DNAAF10: variants seen among roughly 807,000 people sequenced by gnomAD.
The protein encoded by DNAAF10 is dynein axonemal assembly factor 10, also known as WD repeat domain 92.
A neutral mutation model predicts 43.7 loss-of-function variants in DNAAF10; 28 were observed. The observed-to-expected ratio is 0.64, with a 90% confidence interval of 0.48 to 0.88. The LOEUF is 0.88. DNAAF10 is among the 40% of genes least tolerant of loss of function. DNAAF10 has a pLI of 0.00. For missense variants in DNAAF10, 403 were observed against 439.1 expected, an observed-to-expected ratio of 0.92 and a Z score of 0.73; for synonymous variants, 156 against 157.3, an observed-to-expected ratio of 0.99 and a Z score of 0.06.
chr2:68,157,373 C>G lies in DNAAF10; in HGVS notation c.71G>C (p.Cys24Ser), dbSNP rs773607630. 2.5e-6 allele frequency: 4 copies of G among 1,614,086 alleles called. No homozygotes were observed. The highest frequency in any genetic ancestry group is 1.3e-5 in the African/African-American group (1 of 74,924). ...QKGFNYTVFD[C>S]KWVPCSAKFV... ...TTTGGCGCTGCAGGGCACCCACTTA[C>G]AGTCAAACACCGTGTAGTTGAAGCC... Residue 24 changes from cysteine to serine, a missense_variant, in exon 1 of 8, where the codon TGT becomes TCT. By Grantham distance (112) the Cys-to-Ser change is moderately radical. Coordinates refer to ENST00000295121, the MANE Select transcript of DNAAF10 (RefSeq NM_138458.4).
intron 5 of DNAAF10, among the ~76,000 whole-genome samples, chr2:68,138,096 A>T (rs1022132204): frequency 6.6e-6 from 1 of 151,422 alleles, no homozygotes; most frequent in African/African-American, 2.4e-5. Context: ...AATGGCATGA[A>T]CCTGGGAGGC....
intron 1 of DNAAF10, among the ~76,000 whole-genome samples, chr2:68,154,926 C>A (rs369885688): frequency 3.9e-4 from 60 of 152,118 alleles, no homozygotes; most frequent in African/African-American, 1.4e-3. Context: ...CTATGCCCAG[C>A]TAATTTTTGT....
intron 7 of DNAAF10, 61 bp from the exon 8 acceptor site, chr2:68,131,506 A>T: frequency 6.6e-7 from 1 of 1,517,988 alleles, no homozygotes; most frequent in Non-Finnish European, 9.1e-7. Flanking sequence ...TTTTATTTTT[A>T]TACATACACT....
intron 3 of DNAAF10, 85 bp from the exon 4 acceptor site, chr2:68,141,880 T>C: frequency 1.8e-6 from 2 of 1,095,002 alleles, no homozygotes; most frequent in Non-Finnish European, 2.8e-6. Context: ...TGGCTTCCTG[T>C]GTACATGGCA....
intron 1 of DNAAF10, among the ~76,000 whole-genome samples, chr2:68,151,736 C>G (rs75508608): frequency 0.048 from 7,266 of 152,238 alleles, 554 homozygotes; most frequent in African/African-American, 0.16. Flanking sequence ...AGGGTTCTGA[C>G]AAACTGTTCA....
intron 7 of DNAAF10, among the ~76,000 whole-genome samples, chr2:68,133,790 C>T (rs771432976): frequency 1.3e-5 from 2 of 152,062 alleles, no homozygotes; most frequent in Non-Finnish European, 2.9e-5. Context: ...TTTTTGTCAG[C>T]GGTATCCCTG....
Position 68,131,450 on chromosome 2 carries a change from A to C in DNAAF10, c.867-5T>G. 1.2e-6 allele frequency: 2 copies of C among 1,613,390 alleles called. No individual in the cohort carries two copies. The highest frequency in any genetic ancestry group is 1.7e-6 in the Non-Finnish European group (2 of 1,179,326). ...GACCGCTGAATAGGGTATTCACTGA[A>C]AACAAGATCAAAATGGTAAGAGCGC... On this transcript the variant is annotated splice_polypyrimidine_tract_variant and splice_region_variant and intron_variant, in intron 7 of 7. Transcript: ENST00000295121.
At chr2:68,156,634 G>C (rs1393463968) in intron 1 of DNAAF10, among the ~76,000 whole-genome samples, 1 of 152,156 alleles carries the variant, frequency 6.6e-6, no homozygotes, top group African/African-American at 2.4e-5. Flanking sequence ...TCTGGTTCCT[G>C]CTTATCCCTC....
chr2:68,143,257 C>T (rs992632062), intron 3 of DNAAF10, among the ~76,000 whole-genome samples: 1 of 152,052 alleles, frequency 6.6e-6, no homozygotes, highest in African/African-American at 2.4e-5. Context: ...GATCTCAGCC[C>T]ACTTCAACCT....
chr2:68,157,330 G>A lies in DNAAF10; in HGVS notation c.114C>T (p.Asn38=), dbSNP rs779749271. Reference sequence around the variant, plus strand: ...GAATGACGCCGGTGCCCCGTGCGAAGTTGCCCATGGTCACAAATTTGGCGC... The same window carrying A: ...GAATGACGCCGGTGCCCCGTGCGAAATTGCCCATGGTCACAAATTTGGCGC... The part of the protein sequence containing the change: ...PCSAKFVTMG[N]FARGTGVIQL... Residue 38 remains asparagine (N), a synonymous_variant, in exon 1 of 8, where the codon AAC becomes AAT. Transcript: ENST00000295121. 2 of 1,614,192 alleles carry A rather than the reference G, an allele frequency of 1.2e-6. No individual in the cohort carries two copies. The highest frequency in any genetic ancestry group is 1.7e-5 in the Admixed American group (1 of 60,026).
chr2:68,134,165 A>T, intron 7 of DNAAF10: 1 of 984,914 alleles, frequency 1.0e-6, no homozygotes, highest in Non-Finnish European at 1.2e-6. Context: ...CAATGATATC[A>T]GACCTTTTAA....
chr2:68,142,513 C>T (rs1312034470), intron 3 of DNAAF10, among the ~76,000 whole-genome samples: 1 of 152,182 alleles, frequency 6.6e-6, no homozygotes, highest in African/African-American at 2.4e-5. Context: ...CCTGCCTGGG[C>T]TTCCCAAAGT....
At chr2:68,145,557 T>C (rs772566016) in intron 2 of DNAAF10, among the ~76,000 whole-genome samples, 1 of 152,216 alleles carries the variant, frequency 6.6e-6, no homozygotes, top group Non-Finnish European at 1.5e-5. Context: ...AGTGTTTACT[T>C]TGTACACATT....
rs1017079087 is a variant in DNAAF10, at chr2:68,130,498, G to A, written c.*740C>T. On this transcript the variant is annotated 3_prime_UTR_variant, in exon 8 of 8. Transcript: ENST00000295121. The stretch of plus-strand genomic sequence containing the variant: ...TACTCACACTGAAATCTCTCAAAAT[G>A]TATTTATGAAGGTTAATTCAGTTTT... 6.6e-6 allele frequency: 1 copy of A among 152,260 alleles called. No homozygotes were observed. Among genetic ancestry groups the A allele is most frequent in the Non-Finnish European group, 1.5e-5 (1 of 68,024 alleles). 9.4% of individuals were successfully genotyped at this position (152,260 alleles called of 1,614,324 possible).
At chr2:68,146,556 T>C (rs1387930356) in intron 2 of DNAAF10, among the ~76,000 whole-genome samples, 1 of 152,178 alleles carries the variant, frequency 6.6e-6, no homozygotes, top group Admixed American at 6.5e-5. Flanking sequence ...TAAAATAGCA[T>C]TCAAACTTGC....
chr2:68,132,667 C>T (rs1672950679), intron 7 of DNAAF10, among the ~76,000 whole-genome samples: 1 of 152,142 alleles, frequency 6.6e-6, no homozygotes, highest in South Asian at 2.1e-4. Context: ...TAAATATTTA[C>T]AATTTAATTG....
chr2:68,137,579 T>G (rs1226607935), intron 5 of DNAAF10, 146 bp from the exon 6 acceptor site: 11 of 918,008 alleles, frequency 1.2e-5, no homozygotes, highest in Non-Finnish European at 1.7e-5. Context: ...CCATAAAAAT[T>G]TTTTTCCAGC....
chr2:68,145,171 T>A (rs555681251), intron 2 of DNAAF10, among the ~76,000 whole-genome samples: 1 of 150,832 alleles, frequency 6.6e-6, no homozygotes, highest in East Asian at 2.0e-4. Context: ...TGAGCTGAGA[T>A]CATGCCACTG....
At chr2:68,152,103 G>C (rs897567597) in intron 1 of DNAAF10, among the ~76,000 whole-genome samples, 3 of 152,144 alleles carry the variant, frequency 2.0e-5, no homozygotes, top group Admixed American at 2.0e-4. Context: ...TGATTGCTGA[G>C]GTAAATGGCA....
Sources: gnomAD v4.1 joint callset for allele counts (sites outside exome capture counted in the v4.1 genomes callset) on GRCh38, gnomAD v4.1.1 for gene constraint, MANE v1.5 for transcripts, NCBI Gene and HGNC (gene_info 2026-07-23, HGNC 2026-07-21) for gene names.